The following MECOM variants were observed in gnomAD, a reference collection of about 807,000 sequenced individuals.
MECOM encodes the protein histone-lysine N-methyltransferase MECOM.
Under a neutral mutation model 116.3 loss-of-function variants are expected in MECOM, and 13 were observed. The ratio of observed to expected loss-of-function variants is 0.11; its 90% confidence interval spans 0.07 to 0.18. The LOEUF (loss-of-function observed/expected upper bound fraction) is 0.18, where lower values mean the gene tolerates loss of function less well. Ranked by LOEUF, MECOM falls within the 10% of genes least tolerant of loss-of-function variation. MECOM has a pLI of 1.00. For synonymous variants in MECOM, 528 were observed against 535.2 expected (o/e 0.99, Z 0.19); for missense variants, 1,299 against 1,509.0 (o/e 0.86, Z 2.31).
At chr3:169,369,291 G>T (rs1415883791) in intron 2 of MECOM, among the ~76,000 whole-genome samples, 1 of 150,036 alleles carries the variant, frequency 6.7e-6, no homozygotes, top group Non-Finnish European at 1.5e-5. Flanking sequence ...CAAAACCAGA[G>T]ACAGTCCATG....
chr3:169,233,986 A>G (rs1167427826), intron 2 of MECOM, among the ~76,000 whole-genome samples: 3 of 152,178 alleles, frequency 2.0e-5, no homozygotes, highest in Non-Finnish European at 2.9e-5. Flanking sequence ...AGTCTATAAC[A>G]TAGTAGATAC....
At chr3:169,482,040 T>C (rs951154761) in intron 1 of MECOM, among the ~76,000 whole-genome samples, 7 of 152,152 alleles carry the variant, frequency 4.6e-5, no homozygotes, top group Non-Finnish European at 8.8e-5. Flanking sequence ...GCTATCTCTC[T>C]CCTTAAAAAT....
chr3:169,360,985 G>A (rs1008850862), intron 2 of MECOM, among the ~76,000 whole-genome samples: 2 of 151,794 alleles, frequency 1.3e-5, no homozygotes, highest in Non-Finnish European at 2.9e-5. Context: ...TCTGGCTGAA[G>A]CCTGAGGAGG....
At chr3:169,440,987 C>T (rs1379417205) in intron 1 of MECOM, among the ~76,000 whole-genome samples, 2 of 152,164 alleles carry the variant, frequency 1.3e-5, no homozygotes, top group Non-Finnish European at 2.9e-5. Context: ...CTGACAATAC[C>T]TTAGGTGCAC....
At chr3:169,239,905 T>C (rs1754571965) in intron 2 of MECOM, among the ~76,000 whole-genome samples, 1 of 152,194 alleles carries the variant, frequency 6.6e-6, no homozygotes, top group Non-Finnish European at 1.5e-5. Flanking sequence ...TGGCTTTACT[T>C]ATGCTTTAGT....
chr3:169,516,959 G>A (rs996392385), intron 1 of MECOM, among the ~76,000 whole-genome samples: 9 of 152,166 alleles, frequency 5.9e-5, no homozygotes, highest in African/African-American at 1.4e-4. Flanking sequence ...TGGATGGTAG[G>A]AAATCATATA....
intron 1 of MECOM, among the ~76,000 whole-genome samples, chr3:169,619,750 A>G (rs1404705762): frequency 2.0e-5 from 3 of 152,160 alleles, no homozygotes; most frequent in Non-Finnish European, 4.4e-5. Context: ...CTGCCCAAGA[A>G]TTTTCCTCAG....
At chr3:169,524,897 T>C (rs1560391511) in intron 1 of MECOM, among the ~76,000 whole-genome samples, 2 of 152,162 alleles carry the variant, frequency 1.3e-5, no homozygotes, top group Non-Finnish European at 2.9e-5. Context: ...GCTGTCTTAT[T>C]TTCCATCTCC....
chr3:169,595,505 G>A (rs1179920103), intron 1 of MECOM, among the ~76,000 whole-genome samples: 1 of 152,090 alleles, frequency 6.6e-6, no homozygotes, highest in Non-Finnish European at 1.5e-5. Context: ...AAAACTTGCA[G>A]AATTTCATTA....
At chr3:169,317,487 T>C (rs991258619) in intron 2 of MECOM, among the ~76,000 whole-genome samples, 1 of 152,212 alleles carries the variant, frequency 6.6e-6, no homozygotes, top group Non-Finnish European at 1.5e-5. Context: ...ATCCAGAAGT[T>C]CTCAACAGCT....
At chr3:169,539,900 T>C (rs183328107) in intron 1 of MECOM, among the ~76,000 whole-genome samples, 161 of 152,292 alleles carry the variant, frequency 1.1e-3, no homozygotes, top group African/African-American at 3.7e-3. Context: ...TTAAGTGCTA[T>C]GAAGAAAAAT....
rs550729540 is a variant in MECOM at position 169,206,688 on chromosome 3, G to A, written c.376-62856C>T. 3.3e-5 allele frequency among the ~76,000 whole-genome samples: 5 copies of A among 151,140 alleles called. No individual in the cohort carries two copies. In the South Asian group the frequency reaches 6.3e-4, roughly 19 times the overall value. ...GAATCGCTTGAACTCAGGAGGCGGA[G>A]GTTGCAGTGAGCCGAGATTGCACCA... On this transcript the variant is annotated intron_variant, in intron 2 of 16. Transcript: ENST00000651503.
At chr3:169,137,527 C>A (rs1736730472) in intron 3 of MECOM, among the ~76,000 whole-genome samples, 1 of 152,040 alleles carries the variant, frequency 6.6e-6, no homozygotes, top group Admixed American at 6.6e-5. Context: ...CTAAGCATTG[C>A]CAAAGCAAAT....
At chr3:169,616,194 T>G (rs1367856028) in intron 1 of MECOM, among the ~76,000 whole-genome samples, 2 of 152,150 alleles carry the variant, frequency 1.3e-5, no homozygotes, top group East Asian at 3.9e-4. Context: ...CTCTAAACAT[T>G]GAACTTGTGC....
chr3:169,377,159 C>T (rs548295008), intron 2 of MECOM, among the ~76,000 whole-genome samples: 10 of 152,240 alleles, frequency 6.6e-5, no homozygotes, highest in Admixed American at 6.5e-4. Context: ...CTTCCTTATA[C>T]CCTATACAAA....
intron 2 of MECOM, among the ~76,000 whole-genome samples, chr3:169,231,946 T>C (rs1365420407): frequency 1.3e-5 from 2 of 152,176 alleles, no homozygotes; most frequent in African/African-American, 2.4e-5. Context: ...CTGTTAGTCC[T>C]GAGTCTTTTC....
chr3:169,242,549 C>T (rs1427547480), intron 2 of MECOM, among the ~76,000 whole-genome samples: 3 of 152,106 alleles, frequency 2.0e-5, no homozygotes, highest in Non-Finnish European at 4.4e-5. Context: ...GCGGGCGATC[C>T]TCCGACTGCT....
At chr3:169,403,781 C>A (rs1259304481) in intron 1 of MECOM, among the ~76,000 whole-genome samples, 1 of 152,164 alleles carries the variant, frequency 6.6e-6, no homozygotes, top group Non-Finnish European at 1.5e-5. Flanking sequence ...AAACACAGAT[C>A]AAACAATAAG....
At chr3:169,421,832 C>T (rs1204611898) in intron 1 of MECOM, among the ~76,000 whole-genome samples, 1 of 151,990 alleles carries the variant, frequency 6.6e-6, no homozygotes. Context: ...AGGTGAGAGC[C>T]TGAAGAATAA....
Sources: gnomAD v4.1 joint callset for allele counts (sites outside exome capture counted in the v4.1 genomes callset) on GRCh38, gnomAD v4.1.1 for gene constraint, MANE v1.5 for transcripts, NCBI Gene and HGNC (gene_info 2026-07-23, HGNC 2026-07-21) for gene names.